The following ZNF628 variants were observed in gnomAD, a reference collection of about 807,000 sequenced individuals.
ZNF628 encodes zinc finger protein 628.
In ZNF628, 3 loss-of-function variants were observed where a neutral mutation model predicts 2.5. The ratio of observed to expected loss-of-function variants is 1.19; its 90% CI spans 0.54 to 3.07. ZNF628 has a LOEUF of 3.07. Ranked by LOEUF, ZNF628 falls within the 30% of genes most tolerant of loss-of-function variation. The pLI is 0.03. For synonymous variants in ZNF628, 861 were observed against 717.1 expected (o/e 1.20, Z -3.21); for missense variants, 1,610 against 1,517.1 (o/e 1.06, Z -1.02).
chr19:55,481,479 G>A lies in ZNF628; in HGVS notation c.286G>A (p.Asp96Asn). The change falls in exon 3 of 3, where the codon GAC (aspartate) becomes AAC (asparagine). Residue 96 changes from aspartate to asparagine, a missense_variant. By Grantham distance (23) the Asp-to-Asn change is conservative. Transcript: ENST00000598519. ...GGGCGAGCGGCCCTACCAGTGCCCC[G>A]ACTGTCCCAAGGCCTTCAAGCGCTC... Reference protein sequence around the residue: ...HTGERPYQCPDCPKAFKRSSL... With the variant: ...HTGERPYQCPNCPKAFKRSSL... 2 of 1,611,006 alleles carry A rather than the reference G, an allele frequency of 1.2e-6. No individual in the cohort carries two copies. Among genetic ancestry groups the A allele is most frequent in the Non-Finnish European group, 1.7e-6 (2 of 1,179,300 alleles).
At position 55,482,233 on chromosome 19, in the gene ZNF628, C is replaced by A; in HGVS notation, c.1040C>A (p.Pro347His). The change falls in exon 3 of 3, where the codon CCT (proline) becomes CAT (histidine). Residue 347 changes from proline (P) to histidine (H), a missense_variant. Pro to His is a moderately conservative substitution (Grantham distance 77). Transcript: ENST00000598519. ...QPPSPLPQPP[P>H]PAAAPAPGFA... is the part of the protein sequence containing the mutation. ...CCGTCCCCTCTGCCGCAGCCCCCTC[C>A]TCCCGCCGCCGCCCCCGCGCCTGGC... is the stretch of plus-strand genomic sequence containing the variant. The A allele has an allele frequency of 2.8e-6, 4 of 1,449,622 alleles. No homozygotes were observed. Among genetic ancestry groups the A allele is most frequent in the Non-Finnish European group, 3.6e-6 (4 of 1,109,246 alleles). 89.8% of individuals were successfully genotyped at this position (1,449,622 alleles called of 1,614,324 possible).
At chr19:55,480,166 A>G (rs561855993) in intron 2 of ZNF628, among the ~76,000 whole-genome samples, 20 of 151,914 alleles carry the variant, frequency 1.3e-4, no homozygotes, top group African/African-American at 4.6e-4. Context: ...GAGTTGGAGC[A>G]CCAAGCTAGA....
At chr19:55,480,625 T>C (rs1360753570) in intron 2 of ZNF628, among the ~76,000 whole-genome samples, 1 of 152,140 alleles carries the variant, frequency 6.6e-6, no homozygotes, top group Non-Finnish European at 1.5e-5. Flanking sequence ...TTGACCATGT[T>C]GGCCAGGCTG....
chr19:55,479,925 C>T lies in ZNF628; in HGVS notation c.7+8C>T, dbSNP rs966528098. On this transcript the variant is annotated splice_region_variant and intron_variant, in intron 2 of 2. Transcript: ENST00000598519. This position sits in a 1 kb window ranked among gnomAD's most constrained non-coding sequence, Gnocchi z 5.1. The stretch of plus-strand genomic sequence containing the variant: ...GAGAAAGAAGCATGTCAGGTAGTCA[C>T]CTGGGGAGTGCATGGGCCAGAGACA... The T allele has an allele frequency of 1.3e-5, 5 of 399,662 alleles. No homozygotes were observed. The highest frequency in any genetic ancestry group is 2.2e-5 in the Non-Finnish European group (5 of 226,572). 24.8% of individuals were successfully genotyped at this position (399,662 alleles called of 1,614,324 possible). A position where few individuals can be genotyped will look rare whatever the true frequency, so the allele number is the denominator to read the frequency against.
rs893726646 is a variant in ZNF628 at position 55,482,039 on chromosome 19, C to T, written c.846C>T (p.Leu282=). 1.4e-6 allele frequency: 2 copies of T among 1,472,582 alleles called. No individual in the cohort carries two copies. The allele number at this position is 1,472,582 out of a possible 1,614,324, so 91.2% of individuals were successfully genotyped here. A position where few individuals can be genotyped will look rare whatever the true frequency, so the allele number is the denominator to read the frequency against. ...CGCCCCCGCCCGTGGTGCCTGAGCT[C>T]TTTTTGGCGGCGGCGGAGACCACGG... ...PPPPPPVVPE[L]FLAAAETTVE... is the part of the protein sequence containing the mutation. The change falls in exon 3 of 3, where the codon CTC becomes CTT. Residue 282 remains leucine, a synonymous_variant. Transcript: ENST00000598519.
chr19:55,483,421 T>A lies in ZNF628; in HGVS notation c.2228T>A (p.Ile743Asn). The A allele has an allele frequency of 6.6e-7, 1 of 1,522,318 alleles. No individual in the cohort carries two copies. Among genetic ancestry groups the A allele is most frequent in the Non-Finnish European group, 8.8e-7 (1 of 1,137,062 alleles). 94.3% of individuals were successfully genotyped at this position (1,522,318 alleles called of 1,614,324 possible). The change falls in exon 3 of 3, where the codon ATC becomes AAC. Residue 743 changes from isoleucine to asparagine, a missense_variant. Coordinates refer to ENST00000598519, the MANE Select transcript of ZNF628 (RefSeq NM_033113.3). Reference sequence around the variant, plus strand: ...CCCCCTCCCGCACCTCCCAAGCTCATCCTGCTGCCCTCCTCCAGTGCTGGG... The same window carrying A: ...CCCCCTCCCGCACCTCCCAAGCTCAACCTGCTGCCCTCCTCCAGTGCTGGG... ...PPPPPAPPKL[I>N]LLPSSSAGAG...
Position 55,484,248 on chromosome 19 carries a change from C to G in ZNF628, c.3055C>G (p.Pro1019Ala). Residue 1019 changes from proline to alanine, a missense_variant, in exon 3 of 3, where the codon CCA becomes GCA. Physicochemically the swap from Pro to Ala is conservative, Grantham distance 27. This residue lies in a region of ZNF628 where 712 missense variants were observed against 603.6 expected (regional missense o/e 1.18). Transcript: ENST00000598519. ...ASGPAGLPGAPASQMVQVVPA... is the reference protein window; with the variant it reads ...ASGPAGLPGAAASQMVQVVPA... ...GGGCCCCGCGGGGCTCCCCGGGGCTCCAGCCTCCCAGATGGTGCAAGTGGT... is the reference window on the plus strand; with the variant it reads ...GGGCCCCGCGGGGCTCCCCGGGGCTGCAGCCTCCCAGATGGTGCAAGTGGT... 3 of 1,548,400 alleles carry G rather than the reference C, an allele frequency of 1.9e-6. No homozygotes were observed. Among genetic ancestry groups the G allele is most frequent in the East Asian group, 2.4e-5 (1 of 40,876 alleles).
At chr19:55,477,166 A>G (rs1732877827) in intron 1 of ZNF628, among the ~76,000 whole-genome samples, 1 of 152,154 alleles carries the variant, frequency 6.6e-6, no homozygotes, top group Non-Finnish European at 1.5e-5. Flanking sequence ...AAAAGTGGAG[A>G]TGGGGCTCCA....
intron 1 of ZNF628, among the ~76,000 whole-genome samples, chr19:55,477,739 G>A (rs1401921076): frequency 1.3e-5 from 2 of 150,534 alleles, no homozygotes; most frequent in Admixed American, 6.7e-5. Flanking sequence ...TCCAGCCTCG[G>A]TGACAGAGTG....
chr19:55,477,135 C>T (rs959658798), intron 1 of ZNF628, among the ~76,000 whole-genome samples: 1 of 152,186 alleles, frequency 6.6e-6, no homozygotes, highest in Non-Finnish European at 1.5e-5. Context: ...TGCTTCAAAG[C>T]GATCCCTGGT....
chr19:55,482,215 C>G lies in ZNF628; in HGVS notation c.1022C>G (p.Pro341Arg), dbSNP rs748434614. Residue 341 changes from proline to arginine, a missense_variant, in exon 3 of 3, where the codon CCT becomes CGT. Around this residue, in one of 5 missense-constraint regions of ZNF628, gnomAD observed 651 missense variants for 575.6 expected, o/e 1.13. Coordinates refer to ENST00000598519, the MANE Select transcript of ZNF628 (RefSeq NM_033113.3). Reference protein sequence around the residue: ...EAPKADQPPSPLPQPPPPAAA... With the variant: ...EAPKADQPPSRLPQPPPPAAA... ...CCCAAGGCCGACCAGCCACCGTCCC[C>G]TCTGCCGCAGCCCCCTCCTCCCGCC... 307 of 1,474,594 alleles carry G rather than the reference C, an allele frequency of 2.1e-4. No homozygotes were observed. The highest frequency in any genetic ancestry group is 1.9e-4 in the Admixed American group (8 of 43,090). 91.3% of individuals were successfully genotyped at this position (1,474,594 alleles called of 1,614,324 possible).
chr19:55,483,204 G>A lies in ZNF628; in HGVS notation c.2011G>A (p.Ala671Thr). The part of the protein sequence containing the change: ...QPPAPLAAAR[A>T]PPATQDVHVL... ...CCCTGCTCCACTGGCTGCTGCGCGGGCCCCGCCAGCCACCCAAGATGTCCA... is the reference window on the plus strand; with the variant it reads ...CCCTGCTCCACTGGCTGCTGCGCGGACCCCGCCAGCCACCCAAGATGTCCA... Residue 671 changes from alanine (A) to threonine (T), a missense_variant, in exon 3 of 3, where the codon GCC becomes ACC. Ala to Thr is a moderately conservative substitution (Grantham distance 58). Coordinates refer to ENST00000598519, the MANE Select transcript of ZNF628 (RefSeq NM_033113.3). The A allele has an allele frequency of 1.9e-6, 3 of 1,542,794 alleles. No individual in the cohort carries two copies. Among genetic ancestry groups the A allele is most frequent in the Non-Finnish European group, 1.7e-6 (2 of 1,151,034 alleles).
Position 55,481,240 on chromosome 19 carries a change from C to G in ZNF628, c.47C>G (p.Ser16Cys). 2 of 1,578,934 alleles carry G rather than the reference C, an allele frequency of 1.3e-6. No individual in the cohort carries two copies. Among genetic ancestry groups the G allele is most frequent in the East Asian group, 2.3e-5 (1 of 42,914 alleles). Residue 16 changes from serine to cysteine, a missense_variant, in exon 3 of 3, where the codon TCT becomes TGT. Ser to Cys is a moderately radical substitution (Grantham distance 112). This residue lies in a region of ZNF628 where 60 missense variants were observed against 46.8 expected (regional missense o/e 1.28). Transcript: ENST00000598519. Reference protein sequence around the residue: ...VGSHADMAPASTAEGAGEKPG... With the variant: ...VGSHADMAPACTAEGAGEKPG... ...TCCCACGCGGACATGGCGCCGGCCT[C>G]TACTGCGGAGGGGGCCGGGGAGAAG...
In ZNF628 at chr19:55,484,441, G is replaced by C; in HGVS notation, c.*68G>C. ...ACTCACTGCCAGCCGGGGCGGGGCA[G>C]GGTGCCGCAGGCTGGGCTTGCTAAT... is the stretch of plus-strand genomic sequence containing the variant. On this transcript the variant is annotated 3_prime_UTR_variant, in exon 3 of 3. Transcript: ENST00000598519. 7.5e-7 allele frequency: 1 copy of C among 1,340,542 alleles called. No homozygotes were observed. Among genetic ancestry groups the C allele is most frequent in the Non-Finnish European group, 9.8e-7 (1 of 1,015,396 alleles). 83.0% of individuals were successfully genotyped at this position (1,340,542 alleles called of 1,614,324 possible). A position where few individuals can be genotyped will look rare whatever the true frequency, so the allele number is the denominator to read the frequency against.
rs1568465905 is a variant in ZNF628, at chr19:55,479,667, C to T, written c.-77-167C>T. On this transcript the variant is annotated intron_variant, in intron 1 of 2. Coordinates refer to ENST00000598519, the MANE Select transcript of ZNF628 (RefSeq NM_033113.3). The surrounding 1 kb of genome is among the most constrained non-coding windows in gnomAD (Gnocchi z 5.1). ...GGGCAGCATCCCTGGCCTCCACCCACTAGATGCCAGGAGCACTTGCCTCTC... is the reference window on the plus strand; with the variant it reads ...GGGCAGCATCCCTGGCCTCCACCCATTAGATGCCAGGAGCACTTGCCTCTC... 6.6e-6 allele frequency among the ~76,000 whole-genome samples: 1 copy of T among 152,182 alleles called. No homozygotes were observed. The highest frequency in any genetic ancestry group is 1.5e-5 in the Non-Finnish European group (1 of 68,038).
In ZNF628 at chr19:55,482,335, C is replaced by T. The variant is rs1186048097; in HGVS notation, c.1142C>T (p.Ala381Val). 1 of 1,455,036 alleles carries T rather than the reference C, an allele frequency of 6.9e-7. No homozygotes were observed. Among genetic ancestry groups the T allele is most frequent in the South Asian group, 1.3e-5 (1 of 76,456 alleles). The allele number at this position is 1,455,036 out of a possible 1,614,324, so 90.1% of individuals were successfully genotyped here. Reference sequence around the variant, plus strand: ...CGCCACCAGCACAGCCACGGGGCTGCCGGCGGGCAAGCGTTCCGCTGCGGC... The same window carrying T: ...CGCCACCAGCACAGCCACGGGGCTGTCGGCGGGCAAGCGTTCCGCTGCGGC... ...LSRHQHSHGA[A>V]GGQAFRCGSC... is the part of the protein sequence containing the mutation. The change falls in exon 3 of 3, where the codon GCC becomes GTC. Residue 381 changes from alanine to valine, a missense_variant. Around this residue, in one of 5 missense-constraint regions of ZNF628, gnomAD observed 651 missense variants for 575.6 expected, o/e 1.13. Transcript: ENST00000598519.
At position 55,482,863 on chromosome 19, in the gene ZNF628, G is replaced by A. The variant is rs1290676946; in HGVS notation, c.1670G>A (p.Arg557His). The A allele has an allele frequency of 1.9e-6, 3 of 1,602,518 alleles. No individual in the cohort carries two copies. Among genetic ancestry groups the A allele is most frequent in the Non-Finnish European group, 2.6e-6 (3 of 1,173,122 alleles). ...FRNTSCLRRH[R>H]HVHTGERPHA... ...AACACGTCGTGCCTGCGTCGCCACC[G>A]CCACGTGCACACTGGCGAGAGGCCC... The change falls in exon 3 of 3, where the codon CGC becomes CAC. Residue 557 changes from arginine to histidine, a missense_variant. Transcript: ENST00000598519.
At position 55,479,705 on chromosome 19, in the gene ZNF628, A is replaced by C. The variant is rs999888311; in HGVS notation, c.-77-129A>C. 1.0e-5 allele frequency: 4 copies of C among 383,336 alleles called. No individual in the cohort carries two copies. The allele number at this position is 383,336 out of a possible 1,614,324, so 23.7% of individuals were successfully genotyped here. A position where few individuals can be genotyped will look rare whatever the true frequency, so the allele number is the denominator to read the frequency against. Reference sequence around the variant, plus strand: ...GCACTTGCCTCTCTAGTTAACAGATAACCCCAAATGCCTCCAGGCATTGCG... The same window carrying C: ...GCACTTGCCTCTCTAGTTAACAGATCACCCCAAATGCCTCCAGGCATTGCG... On this transcript the variant is annotated intron_variant, in intron 1 of 2. Transcript: ENST00000598519. This position sits in a 1 kb window ranked among gnomAD's most constrained non-coding sequence, Gnocchi z 5.1.
At position 55,484,124 on chromosome 19, in the gene ZNF628, C is replaced by T. The variant is rs1986841440; in HGVS notation, c.2931C>T (p.Ile977=). 1 of 1,588,718 alleles carries T rather than the reference C, an allele frequency of 6.3e-7. No individual in the cohort carries two copies. The highest frequency in any genetic ancestry group is 8.5e-7 in the Non-Finnish European group (1 of 1,169,688). Residue 977 remains isoleucine, a synonymous_variant, in exon 3 of 3, where the codon ATC becomes ATT. Transcript: ENST00000598519. ...TGPPGQKLLI[I]RSAPATELLD... is the part of the protein sequence containing the mutation. The stretch of plus-strand genomic sequence containing the variant: ...CACCCGGACAGAAACTCCTCATCAT[C>T]CGCAGCGCCCCAGCCACTGAGCTGC...
Sources: gnomAD v4.1 joint callset for allele counts (sites outside exome capture counted in the v4.1 genomes callset) on GRCh38, gnomAD v4.1.1 for gene constraint, gnomAD v4.1.1 regional missense constraint, Gnocchi (gnomAD v3.1) non-coding constraint, MANE v1.5 for transcripts, NCBI Gene and HGNC (gene_info 2026-07-23, HGNC 2026-07-21) for gene names.